The following KIAA0586 variants were observed in gnomAD, a reference collection of about 807,000 sequenced individuals.
KIAA0586 encodes the protein protein TALPID3.
KIAA0586 carries 144 observed loss-of-function variants against 169.8 expected under a neutral mutation model. The observed-to-expected ratio is 0.85, with a 90% CI of 0.74 to 0.97. The LOEUF is 0.97. Among genes scored for constraint, KIAA0586 ranks in the 50% least tolerant of loss-of-function variants. KIAA0586 has a pLI of 0.00. For missense variants in KIAA0586, 1,854 were observed against 1,823.0 expected (o/e 1.02, Z -0.31); for synonymous variants, 625 against 612.4 (o/e 1.02, Z -0.30).
In KIAA0586 at chr14:58,508,628, T is replaced by C; in HGVS notation, c.4242T>C (p.Ser1414=). The C allele has an allele frequency of 6.3e-7, 1 of 1,597,302 alleles. No homozygotes were observed. The highest frequency in any genetic ancestry group is 8.5e-7 in the Non-Finnish European group (1 of 1,171,210). The change falls in exon 28 of 31, where the codon TCT becomes TCC. Residue 1414 remains serine (S), a synonymous_variant. Transcript: ENST00000652326. ...GAGAATTGGAGTTGGAGCCAAATTC[T>C]AAGCTGGTTCTTCCCACAACACTTC... is the stretch of plus-strand genomic sequence containing the variant. ...SLGELELEPN[S]KLVLPTTLLT...
rs766453312 is a variant in KIAA0586, at chr14:58,460,032, G to A, written c.1846G>A (p.Gly616Ser). ...EEHFRNLPMR[G>S]MPASSLQKER... is the part of the protein sequence containing the mutation. ...GCATTTTAGAAATCTACCTATGAGG[G>A]GCATGCCTGCTTCAAGTTTACAGAA... Residue 616 changes from glycine to serine, a missense_variant, in exon 13 of 31, where the codon GGC (glycine) becomes AGC (serine). Coordinates refer to ENST00000652326, the MANE Select transcript of KIAA0586 (RefSeq NM_001329943.3). 2.0e-6 allele frequency: 3 copies of A among 1,531,630 alleles called. No individual in the cohort carries two copies. The highest frequency in any genetic ancestry group is 2.6e-6 in the Non-Finnish European group (3 of 1,144,540). The allele number at this position is 1,531,630 out of a possible 1,614,324, so 94.9% of individuals were successfully genotyped here.
At chr14:58,461,538 G>A (rs1209311545) in intron 14 of KIAA0586, among the ~76,000 whole-genome samples, 3 of 152,012 alleles carry the variant, frequency 2.0e-5, no homozygotes, top group South Asian at 2.1e-4. Flanking sequence ...GGGCTCAAGT[G>A]ATCCTCCCCT....
At position 58,464,810 on chromosome 14, in the gene KIAA0586, C is replaced by T. The variant is rs115696413; in HGVS notation, c.2060-1025C>T. On this transcript the variant is annotated intron_variant, in intron 14 of 30. Transcript: ENST00000652326. Reference sequence around the variant, plus strand: ...TAAGTTATTAATGGGCAGGTAGTGTCTACAGTGTAGAGACCCCAGACAAAG... The same window carrying T: ...TAAGTTATTAATGGGCAGGTAGTGTTTACAGTGTAGAGACCCCAGACAAAG... 9.9e-3 allele frequency among the ~76,000 whole-genome samples: 1,503 copies of T among 152,208 alleles called. 19 individuals carry two copies. The highest frequency in any genetic ancestry group is 0.034 in the African/African-American group (1,415 of 41,518).
In KIAA0586 at chr14:58,536,094, T is replaced by G. The variant is rs533397561; in HGVS notation, c.4430-3977T>G. 1.6e-4 allele frequency among the ~76,000 whole-genome samples: 25 copies of G among 152,220 alleles called. No homozygotes were observed. In the South Asian group the frequency reaches 5.0e-3, roughly 30 times the overall value. On this transcript the variant is annotated intron_variant, in intron 29 of 30. Transcript: ENST00000652326. ...AGTATAACTGTTATAAAGCCCAAAT[T>G]TCAATTTTTTAAAAATACCAATTTT... is the stretch of plus-strand genomic sequence containing the variant.
rs2140940811 is a variant in KIAA0586 at position 58,466,012 on chromosome 14, C to T, written c.2237C>T (p.Pro746Leu). 6.2e-7 allele frequency: 1 copy of T among 1,602,410 alleles called. No individual in the cohort carries two copies. ...FSGTLEGHLI[P>L]MAILLGQTQS... ...GGTACATTGGAAGGTCATCTGATTC[C>T]TATGGCAATTCTTTTAGGTAAGAAT... Residue 746 changes from proline (P) to leucine (L), a missense_variant, in exon 15 of 31, where the codon CCT (proline) becomes CTT (leucine). By Grantham distance (98) the Pro-to-Leu change is moderately conservative. Transcript: ENST00000652326.
chr14:58,493,829 A>T (rs1281897095), intron 26 of KIAA0586, among the ~76,000 whole-genome samples: 1 of 152,056 alleles, frequency 6.6e-6, no homozygotes, highest in Non-Finnish European at 1.5e-5. Context: ...TGAGAGAGAG[A>T]AAGGAGGGAG....
At position 58,427,789 on chromosome 14, in the gene KIAA0586, G is replaced by T. The variant is rs2036953711; in HGVS notation, c.-476G>T. ...TGGAGATACGTAGGGGTGAATTTATGTTTCCGACGATTGCATCTGGAGGGG... is the reference window on the plus strand; with the variant it reads ...TGGAGATACGTAGGGGTGAATTTATTTTTCCGACGATTGCATCTGGAGGGG... On this transcript the variant is annotated 5_prime_UTR_variant, in exon 1 of 31. It removes an upstream start codon present in the reference 5' UTR. Transcript: ENST00000652326. The T allele has an allele frequency of 3.3e-6, 5 of 1,513,880 alleles. No homozygotes were observed. In the African/African-American group the frequency reaches 6.9e-5, roughly 21 times the overall value. The allele number at this position is 1,513,880 out of a possible 1,614,324, so 93.8% of individuals were successfully genotyped here.
chr14:58,473,962 A>G (rs2041418653), intron 18 of KIAA0586, among the ~76,000 whole-genome samples: 1 of 152,072 alleles, frequency 6.6e-6, no homozygotes. Context: ...CAGGCTGTAC[A>G]AGAAGCATGG....
intron 4 of KIAA0586, chr14:58,440,305 TTCCTC>T: frequency 5.6e-6 from 2 of 356,660 alleles, no homozygotes; most frequent in Non-Finnish European, 1.1e-5. Flanking sequence ...TCTCTCTCTC[TTCCTC>T]CCTCCCTCCC....
At chr14:58,492,444 G>A (rs2042896249) in intron 26 of KIAA0586, among the ~76,000 whole-genome samples, 169 bp downstream of exon 26, 1 of 152,184 alleles carries the variant, frequency 6.6e-6, no homozygotes, top group African/African-American at 2.4e-5. Context: ...TAACAGAAAG[G>A]AATTTAGACC....
At chr14:58,458,000 A>G (rs1234636534) in intron 11 of KIAA0586, 21 bp downstream of exon 11, 1 of 1,489,524 alleles carries the variant, frequency 6.7e-7, no homozygotes, top group Non-Finnish European at 9.2e-7. Context: ...GTTGGCATCC[A>G]GGGTTATTTA....
intron 29 of KIAA0586, among the ~76,000 whole-genome samples, chr14:58,512,885 T>A (rs1215724625): frequency 6.6e-6 from 1 of 152,092 alleles, no homozygotes; most frequent in Admixed American, 6.6e-5. Flanking sequence ...GCCTTTTAGT[T>A]CTTGTTCAAT....
intron 21 of KIAA0586, among the ~76,000 whole-genome samples, chr14:58,484,888 A>ATTTATATATATATATTTATATATAT (rs1555391459): frequency 1.1e-4 from 2 of 18,490 alleles, no homozygotes; most frequent in Non-Finnish European, 8.9e-5. Context: ...TTATATATAT[A>ATTTATATATATATATTTATATATAT]TTTATATATA....
intron 1 of KIAA0586, 71 bp downstream of exon 1, chr14:58,428,534 C>T (rs2037057002): frequency 3.5e-6 from 4 of 1,159,096 alleles, no homozygotes; most frequent in Non-Finnish European, 5.0e-6. Context: ...TGTTTAAATT[C>T]CCAAACGTAA....
At chr14:58,561,953 C>T in the KIAA0586 span, among the ~76,000 whole-genome samples, 1 of 152,126 alleles carries the variant, frequency 6.6e-6, no homozygotes, top group Non-Finnish European at 1.5e-5. Context: ...TGAAAGGCAA[C>T]CCTTTTCATG....
chr14:58,442,406 G>A (rs2038474888), intron 4 of KIAA0586, among the ~76,000 whole-genome samples: 1 of 152,198 alleles, frequency 6.6e-6, no homozygotes, highest in South Asian at 2.1e-4. Flanking sequence ...GTGCCACCTT[G>A]TGAGTGTTTT....
At chr14:58,488,506 A>T in intron 23 of KIAA0586, 115 bp from the exon 24 acceptor site, 3 of 1,232,156 alleles carry the variant, frequency 2.4e-6, no homozygotes, top group African/African-American at 1.5e-5. Context: ...AGTAGTGCAG[A>T]TTTAAAAAAA....
intron 27 of KIAA0586, among the ~76,000 whole-genome samples, chr14:58,508,316 AC>A (rs1207374487): frequency 6.6e-6 from 1 of 152,334 alleles, no homozygotes; most frequent in East Asian, 1.9e-4. Flanking sequence ...CAACTTGTTG[AC>A]TGGAACTTTA....
intron 27 of KIAA0586, 60 bp from the exon 28 acceptor site, chr14:58,508,495 C>A: frequency 1.5e-6 from 2 of 1,335,336 alleles, no homozygotes; most frequent in South Asian, 1.4e-5. Context: ...ACTACTTGTT[C>A]ATTTTTGAAG....
Sources: allele counts gnomAD v4.1 joint callset (sites outside exome capture counted in the v4.1 genomes callset), GRCh38; gene constraint gnomAD v4.1.1; transcripts MANE v1.5; gene names NCBI Gene and HGNC (gene_info 2026-07-23, HGNC 2026-07-21).